The following TBC1D5 variants were observed in gnomAD, a reference collection of about 807,000 sequenced individuals.
TBC1D5 encodes TBC1 domain family, member 5.
In TBC1D5, 75 loss-of-function variants were observed where a neutral mutation model predicts 100.3. That is an observed-to-expected ratio of 0.75 (90% CI 0.62 to 0.91). The LOEUF (loss-of-function observed/expected upper bound fraction) is 0.91. Ranked by LOEUF, TBC1D5 falls within the 40% of genes least tolerant of loss-of-function variation. TBC1D5 has a pLI of 0.00. For synonymous variants in TBC1D5, 323 were observed against 325.6 expected (o/e 0.99, Z 0.09); for missense variants, 910 against 942.4 (o/e 0.97, Z 0.45).
chr3:17,288,003 T>C (rs1234561271), intron 15 of TBC1D5, among the ~76,000 whole-genome samples: 1 of 152,204 alleles, frequency 6.6e-6, no homozygotes, highest in Non-Finnish European at 1.5e-5. Flanking sequence ...TTGAGAATTG[T>C]ATGTTTATAT....
chr3:17,520,252 T>C (rs1285191804), intron 2 of TBC1D5, among the ~76,000 whole-genome samples: 1 of 152,192 alleles, frequency 6.6e-6, no homozygotes, highest in East Asian at 1.9e-4. Context: ...AACAACCTGA[T>C]CTAACCTTTG....
At chr3:17,428,054 G>A (rs961988221) in intron 4 of TBC1D5, among the ~76,000 whole-genome samples, 3 of 151,722 alleles carry the variant, frequency 2.0e-5, no homozygotes, top group African/African-American at 7.3e-5. Flanking sequence ...TCTCTTAGGC[G>A]CTCATGAGCG....
intron 2 of TBC1D5, among the ~76,000 whole-genome samples, chr3:17,521,369 T>C (rs2096061936): frequency 6.6e-6 from 1 of 152,240 alleles, no homozygotes; most frequent in Admixed American, 6.5e-5. Context: ...AAATGAATAG[T>C]AAATATATTT....
At chr3:17,479,876 C>T (rs1259372888) in intron 3 of TBC1D5, among the ~76,000 whole-genome samples, 1 of 152,088 alleles carries the variant, frequency 6.6e-6, no homozygotes, top group African/African-American at 2.4e-5. Context: ...GGCAGGGAGC[C>T]CCTCTTCCTA....
At chr3:17,527,608 A>T (rs1053751071) in intron 2 of TBC1D5, among the ~76,000 whole-genome samples, 2 of 152,208 alleles carry the variant, frequency 1.3e-5, no homozygotes, top group Admixed American at 6.5e-5. Context: ...GCCCTTCCTC[A>T]GAAAGGTTAA....
At chr3:17,593,773 T>C (rs2060387421) in intron 2 of TBC1D5, among the ~76,000 whole-genome samples, 1 of 152,172 alleles carries the variant, frequency 6.6e-6, no homozygotes, top group African/African-American at 2.4e-5. Context: ...CTAAAGCAGC[T>C]AGATTGATAG....
chr3:17,246,408 T>C (rs2149207737), intron 16 of TBC1D5, among the ~76,000 whole-genome samples: 1 of 152,270 alleles, frequency 6.6e-6, no homozygotes, highest in Non-Finnish European at 1.5e-5. Context: ...ACAATTTTTA[T>C]AGAAATTGGA....
At chr3:17,463,153 C>T (rs559258310) in intron 3 of TBC1D5, among the ~76,000 whole-genome samples, 1 of 152,290 alleles carries the variant, frequency 6.6e-6, no homozygotes, top group South Asian at 2.1e-4. Context: ...GTTCCATTTG[C>T]ATTTTAGTTT....
chr3:17,559,578 A>G (rs540160740), intron 2 of TBC1D5, among the ~76,000 whole-genome samples: 1 of 151,226 alleles, frequency 6.6e-6, no homozygotes, highest in Admixed American at 6.6e-5. Flanking sequence ...TTCACTGACC[A>G]CAATACAAAT....
intron 1 of TBC1D5, among the ~76,000 whole-genome samples, chr3:17,694,978 T>G (rs2153836198): frequency 6.6e-6 from 1 of 152,210 alleles, no homozygotes; most frequent in South Asian, 2.1e-4. Context: ...AACCCAGAAT[T>G]TCATATCCAG....
chr3:17,634,506 T>C (rs2063742663), intron 1 of TBC1D5, among the ~76,000 whole-genome samples: 1 of 152,066 alleles, frequency 6.6e-6, no homozygotes, highest in Admixed American at 6.6e-5. Context: ...TCTCACTTAT[T>C]TGTGGGATCT....
At chr3:17,218,564 T>C (rs900888030) in intron 17 of TBC1D5, among the ~76,000 whole-genome samples, 9 of 152,030 alleles carry the variant, frequency 5.9e-5, no homozygotes, top group Non-Finnish European at 1.2e-4. Context: ...CCTGAAGGAC[T>C]TTCTTTATTA....
chr3:17,274,482 G>T (rs1362522233), intron 15 of TBC1D5, among the ~76,000 whole-genome samples: 1 of 152,166 alleles, frequency 6.6e-6, no homozygotes, highest in East Asian at 1.9e-4. Flanking sequence ...GGATTATCTT[G>T]TAAGTGGAAT....
chr3:17,672,977 T>C (rs1450327697), intron 1 of TBC1D5, among the ~76,000 whole-genome samples: 1 of 152,124 alleles, frequency 6.6e-6, no homozygotes, highest in Non-Finnish European at 1.5e-5. Context: ...TCATGAAATA[T>C]TACACAACAG....
chr3:17,486,571 T>C (rs2095571601), intron 3 of TBC1D5, among the ~76,000 whole-genome samples: 1 of 152,208 alleles, frequency 6.6e-6, no homozygotes, highest in East Asian at 1.9e-4. Flanking sequence ...TCCCAGGTTC[T>C]GCCCATCCAC....
intron 15 of TBC1D5, among the ~76,000 whole-genome samples, chr3:17,290,823 T>C (rs773137098): frequency 2.6e-5 from 4 of 152,244 alleles, no homozygotes; most frequent in Non-Finnish European, 5.9e-5. Flanking sequence ...ATTATATTTC[T>C]GATGCTTAAT....
intron 1 of TBC1D5, among the ~76,000 whole-genome samples, chr3:17,632,477 C>T (rs2063581384): frequency 6.6e-6 from 1 of 152,208 alleles, no homozygotes; most frequent in Non-Finnish European, 1.5e-5. Flanking sequence ...GAGAACTAAA[C>T]TCAATTTTGA....
intron 3 of TBC1D5, among the ~76,000 whole-genome samples, chr3:17,442,374 G>C (rs1475738769): frequency 6.6e-6 from 1 of 152,186 alleles, no homozygotes; most frequent in Non-Finnish European, 1.5e-5. Context: ...CTGCAGAAAA[G>C]GTTCCCTGTT....
chr3:17,248,116 C>T (rs551788643), intron 16 of TBC1D5, among the ~76,000 whole-genome samples: 2 of 151,934 alleles, frequency 1.3e-5, no homozygotes, highest in Admixed American at 6.6e-5. Flanking sequence ...CTCAGCCTTG[C>T]GAGCAACTGG....
Sources: gnomAD v4.1 joint callset for allele counts (sites outside exome capture counted in the v4.1 genomes callset) on GRCh38, gnomAD v4.1.1 for gene constraint, MANE v1.5 for transcripts, NCBI Gene and HGNC (gene_info 2026-07-23, HGNC 2026-07-21) for gene names.